Variants in PDK2 observed in about 807,000 individuals in gnomAD.
PDK2 encodes the protein pyruvate dehydrogenase kinase 2, also known as pyruvate dehydrogenase kinase, isozyme 2.
In PDK2, 34 loss-of-function variants were observed where a neutral mutation model predicts 50.4. The ratio of observed to expected loss-of-function variants is 0.68; its 90% confidence interval spans 0.51 to 0.90. PDK2 has a LOEUF of 0.90. Ranked by LOEUF, PDK2 falls within the 40% of genes least tolerant of loss-of-function variation. The pLI is 0.00. For synonymous variants in PDK2, 232 were observed against 216.0 expected, an observed-to-expected ratio of 1.07 and a Z score of -0.65; for missense variants, 377 against 544.5, an observed-to-expected ratio of 0.69 and a Z score of 3.06.
intron 1 of PDK2, chr17:50,096,128 A>C (rs2144341011): frequency 1.0e-6 from 1 of 985,866 alleles, no homozygotes; most frequent in South Asian, 4.7e-5. Flanking sequence ...ACATCCACCC[A>C]CAGAAGGAGC....
At chr17:50,107,316 C>T (rs892625051) in intron 6 of PDK2, among the ~76,000 whole-genome samples, 163 bp downstream of exon 6, 2 of 152,182 alleles carry the variant, frequency 1.3e-5, no homozygotes, top group Non-Finnish European at 2.9e-5. Context: ...CACAGTGGCT[C>T]ACACCTGTAA....
In PDK2 at chr17:50,095,522, C is replaced by A; in HGVS notation, c.87C>A (p.Ser29=). 1 of 1,607,258 alleles carries A rather than the reference C, an allele frequency of 6.2e-7. No homozygotes were observed. The highest frequency in any genetic ancestry group is 8.5e-7 in the Non-Finnish European group (1 of 1,177,018). ...AGCACTTCAGCAAGTTCTCCCCGTC[C>A]CCGCTGTCCATGAAGCAGTTTCTGG... ...YIEHFSKFSP[S]PLSMKQFLDF... Residue 29 remains serine, a synonymous_variant, in exon 1 of 11, where the codon TCC becomes TCA. Transcript: ENST00000503176.
chr17:50,111,369 A>C lies in PDK2; in HGVS notation c.*1272A>C, dbSNP rs1362699730. The stretch of plus-strand genomic sequence containing the variant: ...ATAAATTGAGAACTGCCTCCCCTTC[A>C]CATGCAGGTGGGCACCCACTATAGC... On this transcript the variant is annotated 3_prime_UTR_variant, in exon 11 of 11. Transcript: ENST00000503176. 6.6e-6 allele frequency: 1 copy of C among 152,230 alleles called. No homozygotes were observed. Among genetic ancestry groups the C allele is most frequent in the African/African-American group, 2.4e-5 (1 of 41,446 alleles). The allele number at this position is 152,230 out of a possible 1,614,324, so 9.4% of individuals were successfully genotyped here. A position where few individuals can be genotyped will look rare whatever the true frequency, so the allele number is the denominator to read the frequency against.
rs1363956566 is a variant in PDK2, at chr17:50,108,613, T to G, written c.863T>G (p.Met288Arg). 1.9e-6 allele frequency: 3 copies of G among 1,609,110 alleles called. No individual in the cohort carries two copies. The highest frequency in any genetic ancestry group is 1.3e-5 in the African/African-American group (1 of 74,818). Residue 288 changes from methionine (M) to arginine (R), a missense_variant and splice_region_variant, in exon 9 of 11, where the codon ATG becomes AGG. Met to Arg is a moderately conservative substitution (Grantham distance 91). This residue lies in a region of PDK2 where 214 missense variants were observed against 294.0 expected (regional missense o/e 0.73). Transcript: ENST00000503176. ...ALGEEDLSIK[M>R]SDRGGGVPLR... is the part of the protein sequence containing the mutation. ...CCTGACACATCCCATCTCTCCCAGA[T>G]GAGTGACCGAGGTGGGGGTGTTCCC...
At position 50,109,652 on chromosome 17, in the gene PDK2, T is replaced by A. The variant is rs1490894235; in HGVS notation, c.1083+252T>A. 1.3e-5 allele frequency among the ~76,000 whole-genome samples: 2 copies of A among 152,164 alleles called. No homozygotes were observed. The highest frequency in any genetic ancestry group is 2.9e-5 in the Non-Finnish European group (2 of 68,014). On this transcript the variant is annotated intron_variant, in intron 10 of 10. Transcript: ENST00000503176. The surrounding 1 kb of genome is among the most constrained non-coding windows in gnomAD (Gnocchi z 5.0). ...CCCTGTGCTGGGAACCCTTGACTTG[T>A]TAGACCCAGAAGGAAGGGGACACCC...
At chr17:50,096,054 G>C (rs770774976) in intron 1 of PDK2, 4 of 930,614 alleles carry the variant, frequency 4.3e-6, no homozygotes, top group African/African-American at 1.8e-5. Flanking sequence ...GATTAAGCCA[G>C]GGGCAGTTGG....
chr17:50,108,599 C>T lies in PDK2; in HGVS notation c.862-13C>T, dbSNP rs1393702286. On this transcript the variant is annotated splice_polypyrimidine_tract_variant and intron_variant, in intron 8 of 10. Transcript: ENST00000503176. ...AGCTGTAAAGAATCCCTGACACATCCCATCTCTCCCAGATGAGTGACCGAG... is the reference window on the plus strand; with the variant it reads ...AGCTGTAAAGAATCCCTGACACATCTCATCTCTCCCAGATGAGTGACCGAG... The T allele has an allele frequency of 1.3e-6, 2 of 1,593,824 alleles. No homozygotes were observed. Among genetic ancestry groups the T allele is most frequent in the Admixed American group, 1.7e-5 (1 of 58,918 alleles).
intron 4 of PDK2, 129 bp from the exon 5 acceptor site, chr17:50,106,665 G>A: frequency 5.4e-6 from 4 of 746,950 alleles, no homozygotes; most frequent in Admixed American, 2.2e-5. Context: ...GGGGAGTGGG[G>A]CAGCTTTAGG....
chr17:50,105,587 T>C, intron 3 of PDK2, 145 bp downstream of exon 3: 1 of 731,994 alleles, frequency 1.4e-6, no homozygotes, highest in Non-Finnish European at 2.2e-6. Context: ...AGACAGACTC[T>C]GCTTCAGGGA....
chr17:50,095,374 C>G lies in PDK2; in HGVS notation c.-62C>G. 7.9e-7 allele frequency: 1 copy of G among 1,273,822 alleles called. No individual in the cohort carries two copies. The highest frequency in any genetic ancestry group is 1.1e-6 in the Non-Finnish European group (1 of 897,466). 78.9% of individuals were successfully genotyped at this position (1,273,822 alleles called of 1,614,324 possible). A position where few individuals can be genotyped will look rare whatever the true frequency, so the allele number is the denominator to read the frequency against. On this transcript the variant is annotated 5_prime_UTR_variant, in exon 1 of 11. Coordinates refer to ENST00000503176, the MANE Select transcript of PDK2 (RefSeq NM_002611.5). ...GAGGCGGCCGAACCGCGTCGCTGGG[C>G]CGAAAGGTGCGCGAGCGCTGCCCGC...
intron 1 of PDK2, among the ~76,000 whole-genome samples, chr17:50,097,156 A>T (rs536191580): frequency 6.6e-6 from 1 of 152,156 alleles, no homozygotes; most frequent in South Asian, 2.1e-4. Flanking sequence ...GGCAGCTCCA[A>T]ATGGGCCCAG....
chr17:50,100,884 G>C (rs967762289), intron 2 of PDK2: 4 of 152,288 alleles, frequency 2.6e-5, no homozygotes, highest in Non-Finnish European at 4.4e-5. Flanking sequence ...CCTGCACTCT[G>C]GGCAGTGATG....
In PDK2 at chr17:50,101,217, T is replaced by C. The variant is rs1256196627; in HGVS notation, c.260+3653T>C. Among the ~76,000 whole-genome samples, 1 of 152,164 alleles carries C rather than the reference T, an allele frequency of 6.6e-6. No homozygotes were observed. The highest frequency in any genetic ancestry group is 6.5e-5 in the Admixed American group (1 of 15,268). On this transcript the variant is annotated intron_variant, in intron 2 of 10. Coordinates refer to ENST00000503176, the MANE Select transcript of PDK2 (RefSeq NM_002611.5). The surrounding 1 kb of genome is among the most constrained non-coding windows in gnomAD (Gnocchi z 4.2). ...GTGGACCCCATACAGGGGGTGTGGC[T>C]TGGGTGCCCAGGACCTGCTAAAGCC...
intron 3 of PDK2, 119 bp downstream of exon 3, chr17:50,105,561 T>A (rs1413520955): frequency 4.6e-5 from 38 of 833,572 alleles, no homozygotes; most frequent in Non-Finnish European, 7.2e-5. Context: ...TTCAGAAACA[T>A]CCAGTCTGAG....
At position 50,103,217 on chromosome 17, in the gene PDK2, A is replaced by G. The variant is rs1445809551; in HGVS notation, c.261-2154A>G. Among the ~76,000 whole-genome samples, 9 of 152,262 alleles carry G rather than the reference A, an allele frequency of 5.9e-5. No individual in the cohort carries two copies. The South Asian group carries it at 1.2e-3, about 21-fold the overall frequency. On this transcript the variant is annotated intron_variant, in intron 2 of 10. Transcript: ENST00000503176. ...GATCTTTTCTGCTGTTGGGGCCCCC[A>G]GCCCCATCAGCAGCCACAGCTCCTC...
intron 1 of PDK2, chr17:50,095,838 C>A: frequency 8.8e-7 from 1 of 1,137,870 alleles, no homozygotes; most frequent in Non-Finnish European, 1.1e-6. Context: ...TGTGATGTTA[C>A]TGCAGGAAGG....
In PDK2 at chr17:50,110,141, T is replaced by C. The variant is rs367647393; in HGVS notation, c.*44T>C. On this transcript the variant is annotated 3_prime_UTR_variant, in exon 11 of 11. Transcript: ENST00000503176. ...ACCTGAGAGGACGGACTGCCGCCTC[T>C]GGGTCCCCCCACCGTGGTGCCCCTC... is the stretch of plus-strand genomic sequence containing the variant. 312 of 1,538,662 alleles carry C rather than the reference T, an allele frequency of 2.0e-4. 2 individuals carry two copies. The African/African-American group carries it at 3.6e-3, about 18-fold the overall frequency.
At chr17:50,096,910 G>A (rs1448510733) in intron 1 of PDK2, among the ~76,000 whole-genome samples, 1 of 152,238 alleles carries the variant, frequency 6.6e-6, no homozygotes, top group Admixed American at 6.5e-5. Context: ...TTTGCCCCAT[G>A]GATGGGCATT....
chr17:50,111,383 A>G lies in PDK2; in HGVS notation c.*1286A>G, dbSNP rs998779515. 2 of 152,252 alleles carry G rather than the reference A, an allele frequency of 1.3e-5. No individual in the cohort carries two copies. Among genetic ancestry groups the G allele is most frequent in the Non-Finnish European group, 2.9e-5 (2 of 68,054 alleles). 9.4% of individuals were successfully genotyped at this position (152,252 alleles called of 1,614,324 possible). A position where few individuals can be genotyped will look rare whatever the true frequency, so the allele number is the denominator to read the frequency against. On this transcript the variant is annotated 3_prime_UTR_variant, in exon 11 of 11. Transcript: ENST00000503176. ...GCCTCCCCTTCACATGCAGGTGGGC[A>G]CCCACTATAGCTACTGATGGCTTTA... is the stretch of plus-strand genomic sequence containing the variant.
Sources: allele counts gnomAD v4.1 joint callset (sites outside exome capture counted in the v4.1 genomes callset), GRCh38; gene constraint gnomAD v4.1.1; regional missense constraint gnomAD v4.1.1; non-coding constraint Gnocchi (gnomAD v3.1); transcripts MANE v1.5; gene names NCBI Gene and HGNC (gene_info 2026-07-23, HGNC 2026-07-21).